ZNF366: variants seen among roughly 807,000 people sequenced by gnomAD.
ZNF366 encodes the protein dendritic cell-specific transcript protein.
A neutral mutation model predicts 47.2 loss-of-function variants in ZNF366; 20 were observed. The ratio of observed to expected loss-of-function variants is 0.42; its 90% CI spans 0.30 to 0.62. The LOEUF (loss-of-function observed/expected upper bound fraction) is 0.62. Among genes scored for constraint, ZNF366 ranks in the 20% least tolerant of loss-of-function variants. ZNF366 has a pLI of 0.16. For synonymous variants in ZNF366, 421 were observed against 395.1 expected, an observed-to-expected ratio of 1.07 and a Z score of -0.78; for missense variants, 987 against 976.3, an observed-to-expected ratio of 1.01 and a Z score of -0.15.
intron 1 of ZNF366, chr5:72,472,723 A>T (rs1277200074): frequency 2.9e-6 from 1 of 349,460 alleles, no homozygotes; most frequent in Non-Finnish European, 4.0e-6. Context: ...CTTCTTCCCC[A>T]GTGCTGAGAG....
At chr5:72,486,941 C>G (rs1743904279) in intron 1 of ZNF366, among the ~76,000 whole-genome samples, 1 of 152,062 alleles carries the variant, frequency 6.6e-6, no homozygotes, top group South Asian at 2.1e-4. Context: ...CCACGCCTGG[C>G]TGCTTTTTGT....
At chr5:72,480,320 A>G (rs1425626886) in intron 1 of ZNF366, among the ~76,000 whole-genome samples, 3 of 152,240 alleles carry the variant, frequency 2.0e-5, no homozygotes, top group Non-Finnish European at 4.4e-5. Flanking sequence ...TGCATAAAGA[A>G]TATTTTCTTG....
chr5:72,496,678 T>G (rs749749042), intron 1 of ZNF366, among the ~76,000 whole-genome samples: 12 of 152,188 alleles, frequency 7.9e-5, no homozygotes, highest in Non-Finnish European at 1.5e-4. Flanking sequence ...GGTTGTATGG[T>G]AAGCATATAT....
chr5:72,487,601 C>A (rs527738608), intron 1 of ZNF366, among the ~76,000 whole-genome samples: 1 of 152,058 alleles, frequency 6.6e-6, no homozygotes, highest in African/African-American at 2.4e-5. Flanking sequence ...CTCTAGCTGC[C>A]AAGGGTCAAC....
At chr5:72,455,649 C>T (rs945003759) in intron 3 of ZNF366, among the ~76,000 whole-genome samples, 4 of 152,126 alleles carry the variant, frequency 2.6e-5, no homozygotes, top group Non-Finnish European at 4.4e-5. Context: ...GAGTAATGCC[C>T]GTCAGCGCCT....
At chr5:72,495,237 C>T (rs1744089222) in intron 1 of ZNF366, among the ~76,000 whole-genome samples, 1 of 152,166 alleles carries the variant, frequency 6.6e-6, no homozygotes, top group Non-Finnish European at 1.5e-5. Flanking sequence ...CTCCTGGTCC[C>T]ATGAGTAGGG....
At chr5:72,464,374 T>C (rs1003217081) in intron 1 of ZNF366, among the ~76,000 whole-genome samples, 8 of 152,238 alleles carry the variant, frequency 5.3e-5, no homozygotes, top group Admixed American at 2.6e-4. Flanking sequence ...CACGTTATTA[T>C]TGCCTTTGTT....
Position 72,490,844 on chromosome 5 carries a change from G to A in ZNF366, c.-15+16407C>T, listed in dbSNP as rs570953323. Among the ~76,000 whole-genome samples the A allele has an allele frequency of 3.9e-5, 6 of 152,308 alleles. No homozygotes were observed. The South Asian group carries it at 1.2e-3, about 32-fold the overall frequency. On this transcript the variant is annotated intron_variant, in intron 1 of 4. Transcript: ENST00000318442. ...GTTGAGAACTACTGAACTTGAGCAT[G>A]ATAGTTGCTGTAAGTAACATAGTAC...
At chr5:72,470,288 C>T (rs952835018) in intron 1 of ZNF366, among the ~76,000 whole-genome samples, 1 of 152,194 alleles carries the variant, frequency 6.6e-6, no homozygotes, top group Non-Finnish European at 1.5e-5. Flanking sequence ...AGATGCTGCT[C>T]TCCCATGCAG....
intron 1 of ZNF366, among the ~76,000 whole-genome samples, chr5:72,469,492 A>G (rs1743500285): frequency 6.6e-6 from 1 of 152,216 alleles, no homozygotes; most frequent in Non-Finnish European, 1.5e-5. Flanking sequence ...ATATTTGTGG[A>G]ATGTGTCCAA....
intron 1 of ZNF366, among the ~76,000 whole-genome samples, chr5:72,485,947 CTT>C (rs1489452073): frequency 6.6e-6 from 1 of 152,186 alleles, no homozygotes; most frequent in Non-Finnish European, 1.5e-5. Context: ...CCACGTGCCT[CTT>C]TTGCTTCCTT....
chr5:72,456,783 CT>C (rs543513371), intron 2 of ZNF366, among the ~76,000 whole-genome samples, 188 bp from the exon 3 acceptor site: 22 of 152,062 alleles, frequency 1.4e-4, no homozygotes, highest in East Asian at 7.7e-4. Context: ...ATTATATAAC[CT>C]TTTTTTTCCT....
At chr5:72,449,327 C>A (rs1474563384) in intron 3 of ZNF366, among the ~76,000 whole-genome samples, 1 of 151,132 alleles carries the variant, frequency 6.6e-6, no homozygotes, top group Non-Finnish European at 1.5e-5. Flanking sequence ...CTCACTGCAG[C>A]CTCCACTTCC....
chr5:72,469,059 A>G (rs534243838), intron 1 of ZNF366, among the ~76,000 whole-genome samples: 13 of 152,192 alleles, frequency 8.5e-5, no homozygotes, highest in Admixed American at 5.9e-4. Context: ...CATTTTGTCC[A>G]CCTCTGGAAA....
chr5:72,466,636 G>A (rs979837282), intron 1 of ZNF366, among the ~76,000 whole-genome samples: 1 of 152,224 alleles, frequency 6.6e-6, no homozygotes, highest in African/African-American at 2.4e-5. Flanking sequence ...CCAATCAACT[G>A]CTTTGGGATG....
Position 72,444,279 on chromosome 5 carries a change from C to G in ZNF366, c.1712G>C (p.Gly571Ala). 1 of 1,610,366 alleles carries G rather than the reference C, an allele frequency of 6.2e-7. No homozygotes were observed. Among genetic ancestry groups the G allele is most frequent in the East Asian group, 2.2e-5 (1 of 44,848 alleles). Residue 571 changes from glycine to alanine, a missense_variant, in exon 5 of 5, where the codon GGG becomes GCG. By Grantham distance (60) the Gly-to-Ala change is moderately conservative (BLOSUM62 0). This residue lies in a region of ZNF366 where 285 missense variants were observed against 234.8 expected (regional missense o/e 1.21). Transcript: ENST00000318442. Reference protein sequence around the residue: ...RGLHSQGLGRGRIALAQTAGV... With the variant: ...RGLHSQGLGRARIALAQTAGV... ...GGCTGTCTGTGCCAGGGCGATTCTC[C>G]CCCTTCCCAGACCTGCAAGAGCAGA...
At chr5:72,461,908 T>C (rs563420199) in intron 1 of ZNF366, among the ~76,000 whole-genome samples, 1 of 152,362 alleles carries the variant, frequency 6.6e-6, no homozygotes, top group African/African-American at 2.4e-5. Context: ...GTTACATAGG[T>C]ACTCACTGAA....
Position 72,449,383 on chromosome 5 carries a change from C to A in ZNF366, c.1525-1966G>T, listed in dbSNP as rs543292227. Reference sequence around the variant, plus strand: ...GCCTCAGCCTGCCAAGTAGCTGGGACTACAGGCGCCTGGCTAATTTTTGTA... The same window carrying A: ...GCCTCAGCCTGCCAAGTAGCTGGGAATACAGGCGCCTGGCTAATTTTTGTA... On this transcript the variant is annotated intron_variant, in intron 3 of 4. Transcript: ENST00000318442. 3.1e-3 allele frequency among the ~76,000 whole-genome samples: 468 copies of A among 152,056 alleles called. 1 individual carries two copies. Among genetic ancestry groups the A allele is most frequent in the African/African-American group, 0.011 (446 of 41,492 alleles).
chr5:72,460,828 C>G lies in ZNF366; in HGVS notation c.669G>C (p.Glu223Asp), dbSNP rs770344363. 2 of 1,613,952 alleles carry G rather than the reference C, an allele frequency of 1.2e-6. No individual in the cohort carries two copies. The highest frequency in any genetic ancestry group is 2.7e-5 in the African/African-American group (2 of 74,914). The change falls in exon 2 of 5, where the codon GAG becomes GAC. Residue 223 changes from glutamate (E) to aspartate (D), a missense_variant. This residue lies in a region of ZNF366 where 591 missense variants were observed against 560.9 expected (regional missense o/e 1.05). Transcript: ENST00000318442. The part of the protein sequence containing the change: ...LPRKAEPQES[E>D]ETKQKVERVD... ...CCCTCTCCACCTTCTGCTTGGTCTCCTCGCTCTCCTGGGGCTCGGCTTTCC... is the reference window on the plus strand; with the variant it reads ...CCCTCTCCACCTTCTGCTTGGTCTCGTCGCTCTCCTGGGGCTCGGCTTTCC...
Sources: allele counts gnomAD v4.1 joint callset (sites outside exome capture counted in the v4.1 genomes callset), GRCh38; gene constraint gnomAD v4.1.1; regional missense constraint gnomAD v4.1.1; transcripts MANE v1.5; gene names NCBI Gene and HGNC (gene_info 2026-07-23, HGNC 2026-07-21).